PCDHGA10: variants seen among roughly 807,000 people sequenced by gnomAD.
The protein encoded by PCDHGA10 is protocadherin gamma subfamily A, 10, also known as protocadherin gamma-A10.
A neutral mutation model predicts 59.5 loss-of-function variants in PCDHGA10; 42 were observed. The ratio of observed to expected loss-of-function variants is 0.71; its 90% CI spans 0.55 to 0.91. The LOEUF (loss-of-function observed/expected upper bound fraction) is 0.91. Among genes scored for constraint, PCDHGA10 ranks in the 40% least tolerant of loss-of-function variants. The pLI, the probability that PCDHGA10 is intolerant of heterozygous loss-of-function variation, is 0.00. For synonymous variants in PCDHGA10, 511 were observed against 517.2 expected (o/e 0.99, Z 0.16); for missense variants, 1,111 against 1,198.2 (o/e 0.93, Z 1.07).
intron 1 of PCDHGA10, among the ~76,000 whole-genome samples, chr5:141,439,043 G>T (rs1688170264): frequency 6.6e-6 from 1 of 151,346 alleles, no homozygotes; most frequent in Non-Finnish European, 1.5e-5. Flanking sequence ...CAGTTCATAA[G>T]ATTTCCATAT....
chr5:141,431,288 C>T lies in PCDHGA10; in HGVS notation c.2436+15677C>T, dbSNP rs2097358193. ...GAGCTACGAGCTCAGCCCGAACACT[C>T]ACTTCTCCCTCATCGTGCAAAATGG... On this transcript the variant is annotated intron_variant, in intron 1 of 3. Transcript: ENST00000398610. This position sits in a 1 kb window ranked among gnomAD's most constrained non-coding sequence, Gnocchi z 4.8. 1 of 1,614,152 alleles carries T rather than the reference C, an allele frequency of 6.2e-7. No individual in the cohort carries two copies. Among genetic ancestry groups the T allele is most frequent in the East Asian group, 2.2e-5 (1 of 44,890 alleles).
At chr5:141,481,077 G>A (rs1251064585) in intron 1 of PCDHGA10, among the ~76,000 whole-genome samples, 5 of 151,906 alleles carry the variant, frequency 3.3e-5, no homozygotes, top group Non-Finnish European at 7.4e-5. Context: ...AAGAAAGAAA[G>A]AAAAAAGAAA....
chr5:141,420,067 A>G (rs2096463342), intron 1 of PCDHGA10: 2 of 1,614,034 alleles, frequency 1.2e-6, no homozygotes, highest in East Asian at 2.2e-5. Flanking sequence ...CCAAGTCCGG[A>G]CCTGTGGGTC....
At chr5:141,447,623 C>G (rs940221130) in intron 1 of PCDHGA10, among the ~76,000 whole-genome samples, 1 of 152,042 alleles carries the variant, frequency 6.6e-6, no homozygotes, top group African/African-American at 2.4e-5. Flanking sequence ...AAAGTTGAAA[C>G]CAACAGTATG....
At chr5:141,419,094 G>C in intron 1 of PCDHGA10, 2 of 1,613,894 alleles carry the variant, frequency 1.2e-6, no homozygotes, top group Non-Finnish European at 1.7e-6. Context: ...GCCCTGGATC[G>C]GGAGCAGACC....
At chr5:141,419,702 G>T (rs116279995) in intron 1 of PCDHGA10, 2 of 1,612,834 alleles carry the variant, frequency 1.2e-6, no homozygotes, top group East Asian at 4.5e-5. Context: ...CAGTGAGCCC[G>T]GGCTCTTCAG....
chr5:141,421,926 C>T, intron 1 of PCDHGA10: 1 of 1,613,460 alleles, frequency 6.2e-7, no homozygotes, highest in Non-Finnish European at 8.5e-7. Context: ...GTGTGGTGGT[C>T]CTCGATGTAA....
chr5:141,418,738 T>G lies in PCDHGA10; in HGVS notation c.2436+3127T>G, dbSNP rs781221446. 4.3e-6 allele frequency: 7 copies of G among 1,613,964 alleles called. No homozygotes were observed. In the South Asian group the frequency reaches 6.6e-5, roughly 15 times the overall value. On this transcript the variant is annotated intron_variant, in intron 1 of 3. Transcript: ENST00000398610. ...CTGACAAAGCTCAGCACGTGTTCTC[T>G]CTGGATTACACTACAGGAAACATTC...
rs1298448753 is a variant in PCDHGA10 at position 141,486,417 on chromosome 5, G to A, written c.2437-8390G>A. 1 of 1,614,132 alleles carries A rather than the reference G, an allele frequency of 6.2e-7. No individual in the cohort carries two copies. Among genetic ancestry groups the A allele is most frequent in the Non-Finnish European group, 8.5e-7 (1 of 1,179,998 alleles). ...CTGGTGACTGCTGGACCCTTGGATC[G>A]AGAGGCCAAATCTAGCTATGACATC... On this transcript the variant is annotated intron_variant, in intron 1 of 3. Transcript: ENST00000398610. The surrounding 1 kb of genome is among the most constrained non-coding windows in gnomAD (Gnocchi z 5.0).
intron 1 of PCDHGA10, chr5:141,422,668 G>A: frequency 6.2e-7 from 1 of 1,607,686 alleles, no homozygotes; most frequent in Non-Finnish European, 8.5e-7. Context: ...CCTCGACCCG[G>A]ACAGCAAACA....
Position 141,476,208 on chromosome 5 carries a change from C to T in PCDHGA10, c.2437-18599C>T, listed in dbSNP as rs1266601125. The T allele has an allele frequency of 6.2e-7, 1 of 1,613,794 alleles. No homozygotes were observed. ...CTTGGTGCCTTGAACAAGGCTTCCA[C>T]GGTCATTCACTATGAGATCCCGGAG... On this transcript the variant is annotated intron_variant, in intron 1 of 3. Coordinates refer to ENST00000398610, the MANE Select transcript of PCDHGA10 (RefSeq NM_018913.3). The surrounding 1 kb of genome is among the most constrained non-coding windows in gnomAD (Gnocchi z 7.6).
chr5:141,481,181 G>C (rs1364223040), intron 1 of PCDHGA10, among the ~76,000 whole-genome samples: 1 of 152,154 alleles, frequency 6.6e-6, no homozygotes, highest in Non-Finnish European at 1.5e-5. Context: ...CAGCTTTATT[G>C]GGCCAGGCCC....
chr5:141,415,040 CG>C lies in PCDHGA10; in HGVS notation c.1867del (p.Val623TrpfsTer25), dbSNP rs878992043. ...LLKASEPGLF[A>X]VGEHTGEVRT... Reference sequence around the variant, plus strand: ...AAGGCCAGCGAGCCGGGACTCTTCGCGGTGGGGGAGCACACGGGCGAGGTGC... The same window carrying C: ...AAGGCCAGCGAGCCGGGACTCTTCGCGTGGGGGAGCACACGGGCGAGGTGC... On this transcript the variant is annotated frameshift_variant, in exon 1 of 4. Coordinates refer to ENST00000398610, the MANE Select transcript of PCDHGA10 (RefSeq NM_018913.3). LOFTEE classifies it high-confidence loss of function. 6.2e-7 allele frequency: 1 copy of C among 1,613,520 alleles called. No homozygotes were observed. The highest frequency in any genetic ancestry group is 2.2e-5 in the East Asian group (1 of 44,872).
chr5:141,423,234 C>T, intron 1 of PCDHGA10: 1 of 1,613,918 alleles, frequency 6.2e-7, no homozygotes, highest in South Asian at 1.1e-5. Context: ...CCGACAGCAT[C>T]CCCGAAGTCC....
At position 141,475,845 on chromosome 5, in the gene PCDHGA10, G is replaced by A. The variant is rs2099375736; in HGVS notation, c.2437-18962G>A. On this transcript the variant is annotated intron_variant, in intron 1 of 3. Coordinates refer to ENST00000398610, the MANE Select transcript of PCDHGA10 (RefSeq NM_018913.3). ...CGCTAGCGCGTGTCCTGCTCAGAGA[G>A]CCCGGCGCTAGCTCATTCTTCGTGC... The A allele has an allele frequency of 2.0e-5, 9 of 447,884 alleles. 1 individual carries two copies. In the South Asian group the frequency reaches 2.8e-4, roughly 14 times the overall value. 27.7% of individuals were successfully genotyped at this position (447,884 alleles called of 1,614,324 possible).
chr5:141,491,118 T>C lies in PCDHGA10; in HGVS notation c.2437-3689T>C, dbSNP rs1421005816. Reference sequence around the variant, plus strand: ...TGTTCCTCGTGTCTACACACACTGGTGAGGTGCGCACAGCCCGGGCCTTAC... The same window carrying C: ...TGTTCCTCGTGTCTACACACACTGGCGAGGTGCGCACAGCCCGGGCCTTAC... On this transcript the variant is annotated intron_variant, in intron 1 of 3. Coordinates refer to ENST00000398610, the MANE Select transcript of PCDHGA10 (RefSeq NM_018913.3). This position sits in a 1 kb window ranked among gnomAD's most constrained non-coding sequence, Gnocchi z 6.9. The C allele has an allele frequency of 1.2e-6, 2 of 1,613,926 alleles. No homozygotes were observed. Among genetic ancestry groups the C allele is most frequent in the African/African-American group, 2.7e-5 (2 of 74,890 alleles).
In PCDHGA10 at chr5:141,477,806, G is replaced by T; in HGVS notation, c.2437-17001G>T. ...ATTTGTCACTGATCGCAATGACAAT[G>T]CCCCCCAGGTCCTATATCCTCGGCC... On this transcript the variant is annotated intron_variant, in intron 1 of 3. Coordinates refer to ENST00000398610, the MANE Select transcript of PCDHGA10 (RefSeq NM_018913.3). The surrounding 1 kb of genome is among the most constrained non-coding windows in gnomAD (Gnocchi z 4.9). 6.2e-7 allele frequency: 1 copy of T among 1,614,118 alleles called. No homozygotes were observed. The highest frequency in any genetic ancestry group is 8.5e-7 in the Non-Finnish European group (1 of 1,180,036).
At chr5:141,499,461 A>G (rs1448103747) in intron 2 of PCDHGA10, among the ~76,000 whole-genome samples, 2 of 152,226 alleles carry the variant, frequency 1.3e-5, no homozygotes. Flanking sequence ...TCATTTTACA[A>G]TCTAGGGAGA....
rs115001531 is a variant in PCDHGA10, at chr5:141,495,385, G to A, written c.2495+520G>A. Among the ~76,000 whole-genome samples the A allele has an allele frequency of 2.2e-3, 339 of 152,328 alleles. 1 individual carries two copies. Among genetic ancestry groups the A allele is most frequent in the African/African-American group, 7.9e-3 (329 of 41,590 alleles). ...AGGTGGAACTGAGGAAGGACTGGGC[G>A]GGGCATGGAGCAGGCCCCCTTCTCC... On this transcript the variant is annotated intron_variant, in intron 2 of 3. Transcript: ENST00000398610.
Sources: allele counts gnomAD v4.1 joint callset (sites outside exome capture counted in the v4.1 genomes callset), GRCh38; gene constraint gnomAD v4.1.1; non-coding constraint Gnocchi (gnomAD v3.1); transcripts MANE v1.5; gene names NCBI Gene and HGNC (gene_info 2026-07-23, HGNC 2026-07-21).